DPH6: variants seen among roughly 807,000 people sequenced by gnomAD.
DPH6 encodes the protein diphthamine biosynthesis 6.
DPH6 carries 33 observed loss-of-function variants against 38.2 expected under a neutral mutation model. The observed-to-expected ratio is 0.86, with a 90% CI of 0.65 to 1.15. The LOEUF is 1.15. Ranked by LOEUF, DPH6 falls within the 50% of genes most tolerant of loss-of-function variation. The probability of loss-of-function intolerance (pLI) is 0.00; values close to 1 mark genes in which losing one functional copy is unlikely to be tolerated. For synonymous variants in DPH6, 108 were observed against 103.0 expected, an observed-to-expected ratio of 1.05 and a Z score of -0.30; for missense variants, 325 against 320.0, an observed-to-expected ratio of 1.02 and a Z score of -0.12.
intron 3 of DPH6, among the ~76,000 whole-genome samples, chr15:35,236,365 G>A (rs543256383): frequency 1.1e-3 from 175 of 152,288 alleles, no homozygotes; most frequent in South Asian, 0.011. Context: ...TTGGCTGGGC[G>A]CGGTGGCTCA....
At chr15:35,293,655 C>G (rs975164581) in intron 3 of DPH6, among the ~76,000 whole-genome samples, 9 of 152,184 alleles carry the variant, frequency 5.9e-5, no homozygotes, top group African/African-American at 2.2e-4. Flanking sequence ...CAGGGGTGTC[C>G]TATTCTGCTA....
At chr15:35,172,973 G>A in the DPH6 span, among the ~76,000 whole-genome samples, 16 of 152,132 alleles carry the variant, frequency 1.1e-4, no homozygotes, top group Admixed American at 3.9e-4. Flanking sequence ...ATTTCATAAA[G>A]ACTTTTATAA....
At chr15:35,231,222 G>A (rs1341413952) in intron 3 of DPH6, among the ~76,000 whole-genome samples, 1 of 152,322 alleles carries the variant, frequency 6.6e-6, no homozygotes, top group Non-Finnish European at 1.5e-5. Context: ...AATAGGGCTC[G>A]TTTAAATGCT....
chr15:35,511,692 A>G (rs1481048781), intron 3 of DPH6, among the ~76,000 whole-genome samples: 1 of 152,106 alleles, frequency 6.6e-6, no homozygotes, highest in African/African-American at 2.4e-5. Flanking sequence ...GAAACTACCA[A>G]GAGATTATCA....
At chr15:35,412,212 G>A (rs563507640) in intron 5 of DPH6, among the ~76,000 whole-genome samples, 7 of 151,584 alleles carry the variant, frequency 4.6e-5, no homozygotes, top group South Asian at 2.1e-4. Flanking sequence ...CAGACACCTC[G>A]CTAAAGATAT....
At position 35,371,667 on chromosome 15, in the gene DPH6, C is replaced by G; in HGVS notation, c.*483G>C. 3.0e-6 allele frequency: 3 copies of G among 985,356 alleles called. No individual in the cohort carries two copies. The highest frequency in any genetic ancestry group is 3.6e-6 in the Non-Finnish European group (3 of 829,996). 61.0% of individuals were successfully genotyped at this position (985,356 alleles called of 1,614,324 possible). ...TCCAATAACGTTGAAACACTTCAAC[C>G]ATGAATATATTTAAAATAAAAATGA... On this transcript the variant is annotated 3_prime_UTR_variant, in exon 9 of 9. Transcript: ENST00000256538.
intron 3 of DPH6, among the ~76,000 whole-genome samples, chr15:35,316,170 C>A (rs1042122246): frequency 3.3e-5 from 5 of 152,016 alleles, no homozygotes; most frequent in Non-Finnish European, 7.4e-5. Context: ...TTGTACATTT[C>A]AAAATAGTTA....
At chr15:35,214,391 C>T (rs1174935205), downstream of DPH6, among the ~76,000 whole-genome samples, 3 of 152,144 alleles carry the variant, frequency 2.0e-5, no homozygotes, top group African/African-American at 7.2e-5. Flanking sequence ...GCACAAAGTA[C>T]GTAAGGAAGG....
Position 35,464,451 on chromosome 15 carries a change from CCTT to C in DPH6, c.313-9634_313-9632del, listed in dbSNP as rs531877897. Among the ~76,000 whole-genome samples the C allele has an allele frequency of 2.6e-5, 4 of 152,236 alleles. No individual in the cohort carries two copies. The South Asian group carries it at 8.3e-4, about 32-fold the overall frequency. On this transcript the variant is annotated intron_variant, in intron 3 of 8. Coordinates refer to ENST00000256538, the MANE Select transcript of DPH6 (RefSeq NM_080650.4). ...ACAGTCAGAAATGCTGATTCTTTGT[CCTT>C]CTAGATGATAAGAAAATAGATTCAT... is the stretch of plus-strand genomic sequence containing the variant.
downstream of DPH6, among the ~76,000 whole-genome samples, chr15:35,326,330 T>C (rs1002396447): frequency 3.3e-5 from 5 of 152,340 alleles, no homozygotes; most frequent in Non-Finnish European, 7.4e-5. Context: ...TCAATTGTCT[T>C]TGCAAATTTT....
At chr15:35,377,388 A>G (rs891173737) in intron 7 of DPH6, among the ~76,000 whole-genome samples, 5 of 152,128 alleles carry the variant, frequency 3.3e-5, no homozygotes, top group Admixed American at 3.3e-4. Context: ...TTGTAGCAGT[A>G]ATACAGTGAT....
At chr15:35,314,187 GA>G (rs2052168044) in intron 3 of DPH6, among the ~76,000 whole-genome samples, 1 of 151,866 alleles carries the variant, frequency 6.6e-6, no homozygotes, top group African/African-American at 2.4e-5. Flanking sequence ...CAACAAATAT[GA>G]AAAAATACTC....
At chr15:35,148,589 C>T in the DPH6 span, among the ~76,000 whole-genome samples, 13 of 152,102 alleles carry the variant, frequency 8.5e-5, no homozygotes, top group South Asian at 2.1e-4. Context: ...TTAGTCAACA[C>T]GTGTTCTTGA....
chr15:35,244,852 TA>T (rs2051625074), intron 3 of DPH6, among the ~76,000 whole-genome samples: 1 of 152,218 alleles, frequency 6.6e-6, no homozygotes, highest in African/African-American at 2.4e-5. Flanking sequence ...ACGAGCTTGG[TA>T]AGTCAATTAA....
At chr15:35,398,093 T>C (rs2053169505) in intron 6 of DPH6, among the ~76,000 whole-genome samples, 1 of 152,148 alleles carries the variant, frequency 6.6e-6, no homozygotes, top group Admixed American at 6.5e-5. Flanking sequence ...GAAATAAATA[T>C]CTGTTCTCTG....
intron 3 of DPH6, among the ~76,000 whole-genome samples, chr15:35,361,800 T>C (rs140303709): frequency 2.6e-4 from 40 of 152,034 alleles, no homozygotes; most frequent in African/African-American, 8.7e-4. Flanking sequence ...TATTCCTTTG[T>C]TGGTTTTCTC....
intron 3 of DPH6, among the ~76,000 whole-genome samples, chr15:35,342,482 G>A (rs754666855): frequency 3.3e-5 from 5 of 152,152 alleles, no homozygotes; most frequent in African/African-American, 4.8e-5. Context: ...TTCTTTCTCC[G>A]TAGGTTGAGT....
intron 6 of DPH6, among the ~76,000 whole-genome samples, chr15:35,391,123 C>T (rs907036661): frequency 6.6e-6 from 1 of 152,164 alleles, no homozygotes; most frequent in Non-Finnish European, 1.5e-5. Flanking sequence ...ACCCTATTTG[C>T]CTGGGTATCA....
chr15:35,388,810 T>A (rs1489304721), intron 6 of DPH6, among the ~76,000 whole-genome samples: 1 of 152,210 alleles, frequency 6.6e-6, no homozygotes, highest in East Asian at 1.9e-4. Flanking sequence ...ATTCACTGAT[T>A]TTTTGAAGGG....
Sources: gnomAD v4.1 joint callset for allele counts (sites outside exome capture counted in the v4.1 genomes callset) on GRCh38, gnomAD v4.1.1 for gene constraint, MANE v1.5 for transcripts, NCBI Gene and HGNC (gene_info 2026-07-23, HGNC 2026-07-21) for gene names.